Variants in PPOX observed in about 807,000 individuals in gnomAD.
PPOX encodes protoporphyrinogen oxidase.
PPOX carries 23 observed loss-of-function variants against 54.1 expected under a neutral mutation model. The ratio of observed to expected loss-of-function variants is 0.43; its 90% CI spans 0.31 to 0.60. The LOEUF (loss-of-function observed/expected upper bound fraction) is 0.60, where lower values mean the gene tolerates loss of function less well. Ranked by LOEUF, PPOX falls within the 20% of genes least tolerant of loss-of-function variation. The probability of loss-of-function intolerance (pLI) is 0.13; values close to 1 mark genes in which losing one functional copy is unlikely to be tolerated. For synonymous variants in PPOX, 224 were observed against 236.1 expected, an observed-to-expected ratio of 0.95 and a Z score of 0.47; for missense variants, 512 against 601.1, an observed-to-expected ratio of 0.85 and a Z score of 1.55.
intron 6 of PPOX, among the ~76,000 whole-genome samples, 174 bp from the exon 7 acceptor site, chr1:161,168,819 C>T (rs943550860): frequency 6.6e-6 from 1 of 152,212 alleles, no homozygotes; most frequent in African/African-American, 2.4e-5. Flanking sequence ...TGTGCCACCA[C>T]TCCCAGCTAA....
upstream of PPOX, chr1:161,166,390 A>G (rs1235174749): frequency 7.5e-6 from 8 of 1,061,460 alleles, no homozygotes; most frequent in Non-Finnish European, 9.1e-6. Context: ...CAGATGTAGG[A>G]GAGGTAGGGT....
chr1:161,170,321 T>TGGCCC, intron 9 of PPOX, 88 bp from the exon 10 acceptor site: 1 of 367,766 alleles, frequency 2.7e-6, no homozygotes, highest in Non-Finnish European at 5.3e-6. Context: ...TGAGACTCTG[T>TGGCCC]CCCCCCCACC....
chr1:161,166,243 G>C, upstream of PPOX: 3 of 965,524 alleles, frequency 3.1e-6, no homozygotes, highest in Non-Finnish European at 3.7e-6. Context: ...GGAGGGCAGT[G>C]ACGGGTACGG....
Position 161,166,492 on chromosome 1 carries a change from C to A in PPOX, c.-189C>A. 2.3e-6 allele frequency: 3 copies of A among 1,291,806 alleles called. No individual in the cohort carries two copies. Among genetic ancestry groups the A allele is most frequent in the Non-Finnish European group, 3.0e-6 (3 of 1,009,638 alleles). 80.0% of individuals were successfully genotyped at this position (1,291,806 alleles called of 1,614,324 possible). The stretch of plus-strand genomic sequence containing the variant: ...TAGCGGATTTGAAGCACTTGTTGGC[C>A]TACAGAGGTGTGGCAAGCAGAGCAC... On this transcript the variant is annotated 5_prime_UTR_variant, in exon 1 of 13. Coordinates refer to ENST00000367999, the MANE Select transcript of PPOX (RefSeq NM_001122764.3).
chr1:161,171,360 A>C, downstream of PPOX: 12 of 1,059,584 alleles, frequency 1.1e-5, no homozygotes, highest in Non-Finnish European at 1.6e-5. Context: ...CAGCCCCCTG[A>C]GCCAGGACCA....
chr1:161,166,794 C>G, intron 1 of PPOX, 46 bp from the exon 2 acceptor site: 4 of 1,605,448 alleles, frequency 2.5e-6, no homozygotes, highest in Non-Finnish European at 3.4e-6. Flanking sequence ...TTCTGGAGCG[C>G]AGGTTGTCCC....
Position 161,170,503 on chromosome 1 carries a change from CT to C in PPOX, c.1083del (p.Gly362AlafsTer4). 1 of 1,614,206 alleles carries C rather than the reference CT, an allele frequency of 6.2e-7. No homozygotes were observed. Among genetic ancestry groups the C allele is most frequent in the Non-Finnish European group, 8.5e-7 (1 of 1,180,002 alleles). ...VAFPEQDGSPPGLRVTVMLGG... is the reference protein window; with the variant it reads ...VAFPEQDGSPXGLRVTVMLGG... ...TTCCCTGAGCAGGACGGGAGCCCCC[CT>C]GGCCTCAGAGTGACTGTGAGGAGGA... is the stretch of plus-strand genomic sequence containing the variant. On this transcript the variant is annotated frameshift_variant, in exon 10 of 13. Coordinates refer to ENST00000367999, the MANE Select transcript of PPOX (RefSeq NM_001122764.3). LOFTEE classifies it high-confidence loss of function.
chr1:161,168,597 A>C, intron 6 of PPOX, 21 bp downstream of exon 6: 1 of 1,612,814 alleles, frequency 6.2e-7, no homozygotes, highest in Non-Finnish European at 8.5e-7. Context: ...ATTGATTCAG[A>C]GGGTGAAAAT....
rs369704334 is a variant in PPOX, at chr1:161,167,103, G to A, written c.91G>A (p.Val31Ile). 2 of 1,614,216 alleles carry A rather than the reference G, an allele frequency of 1.2e-6. No homozygotes were observed. Among genetic ancestry groups the A allele is most frequent in the Admixed American group, 1.7e-5 (1 of 60,030 alleles). ...TGTCTCTCCCTCTTGTCGCCAGGTG[G>A]TCCTAGTGGAGAGCAGTGAGCGTCT... ...LSRAPCPPKV[V>I]LVESSERLGG... The change falls in exon 3 of 13, where the codon GTC becomes ATC. Residue 31 changes from valine to isoleucine, a missense_variant. Coordinates refer to ENST00000367999, the MANE Select transcript of PPOX (RefSeq NM_001122764.3).
intron 8 of PPOX, 83 bp from the exon 9 acceptor site, chr1:161,169,823 A>G: frequency 6.2e-7 from 1 of 1,614,016 alleles, no homozygotes; most frequent in Non-Finnish European, 8.5e-7. Context: ...TGAACTGGTC[A>G]TCTCTATGGG....
rs1368067383 is a variant in PPOX, at chr1:161,176,858, C to T, written c.382C>T (p.Gln128Ter). Residue 128 changes from glutamine (Q) to a stop codon, truncating the protein, a stop_gained, in exon 5 of 5, where the codon CAG becomes TAG. Coordinates refer to the PPOX transcript ENST00000497522. LOFTEE classifies it low-confidence loss of function (END_TRUNC). ...CATTGTTTTCCCCCAGACCAAGAAC[C>T]AGTTGAAGTGGCGACAGAGTCATGA... 1.2e-5 allele frequency: 18 copies of T among 1,535,672 alleles called. No individual in the cohort carries two copies. The highest frequency in any genetic ancestry group is 3.3e-4 in the Middle Eastern group (2 of 6,012).
At chr1:161,175,452 G>A (rs1420607963), downstream of PPOX, among the ~76,000 whole-genome samples, 1 of 152,070 alleles carries the variant, frequency 6.6e-6, no homozygotes, top group Non-Finnish European at 1.5e-5. Context: ...TTTTAGGGTT[G>A]CCTAACTTTC....
chr1:161,172,710 C>A (rs1661896589), downstream of PPOX, among the ~76,000 whole-genome samples: 1 of 152,112 alleles, frequency 6.6e-6, no homozygotes, highest in South Asian at 2.1e-4. Context: ...GCTACCCCAG[C>A]TTCTCTCCCA....
At chr1:161,175,313 G>A (rs1028352652), downstream of PPOX, 1 of 1,218,308 alleles carries the variant, frequency 8.2e-7, no homozygotes, top group Non-Finnish European at 1.2e-6. Flanking sequence ...CTCTGACACT[G>A]GCAGTCTGGT....
At chr1:161,169,559 C>T (rs1270429929) in intron 7 of PPOX, 101 bp from the exon 8 acceptor site, 6 of 1,242,032 alleles carry the variant, frequency 4.8e-6, no homozygotes, top group Non-Finnish European at 7.1e-6. Flanking sequence ...GTCTCCCCGG[C>T]CACATGGGTG....
rs984474889 is a variant in PPOX at position 161,166,896 on chromosome 1, G to A, written c.49G>A (p.Ala17Thr). 2 of 1,613,568 alleles carry A rather than the reference G, an allele frequency of 1.2e-6. No homozygotes were observed. The highest frequency in any genetic ancestry group is 1.3e-5 in the African/African-American group (1 of 74,950). ...VLGGGISGLAASYHLSRAPCP... is the reference protein window; with the variant it reads ...VLGGGISGLATSYHLSRAPCP... ...GGGCGGAGGCATCAGCGGCTTGGCCGCCAGTTACCACCTGAGCCGGGCCCC... is the reference window on the plus strand; with the variant it reads ...GGGCGGAGGCATCAGCGGCTTGGCCACCAGTTACCACCTGAGCCGGGCCCC... Residue 17 changes from alanine to threonine, a missense_variant, in exon 2 of 13, where the codon GCC becomes ACC. By Grantham distance (58) the Ala-to-Thr change is moderately conservative. Coordinates refer to ENST00000367999, the MANE Select transcript of PPOX (RefSeq NM_001122764.3).
At chr1:161,169,464 G>C in intron 7 of PPOX, 196 bp from the exon 8 acceptor site, 1 of 725,922 alleles carries the variant, frequency 1.4e-6, no homozygotes, top group East Asian at 2.7e-5. Flanking sequence ...TGGCCTGTCT[G>C]GTCCACTTCC....
In PPOX at chr1:161,168,018, C is replaced by G. The variant is rs202029665; in HGVS notation, c.362C>G (p.Pro121Arg). Reference protein sequence around the residue: ...GLRGLLRPSPPFSKPLFWAGL... With the variant: ...GLRGLLRPSPRFSKPLFWAGL... ...AGGGGGCTACTCCGCCCTTCACCCC[C>G]CTTCTCCAAACCTCTGTTTTGGGCT... Residue 121 changes from proline to arginine, a missense_variant, in exon 5 of 13, where the codon CCC becomes CGC. Coordinates refer to ENST00000367999, the MANE Select transcript of PPOX (RefSeq NM_001122764.3). 11 of 1,614,214 alleles carry G rather than the reference C, an allele frequency of 6.8e-6. No individual in the cohort carries two copies. In the Admixed American group the frequency reaches 1.3e-4, roughly 20 times the overall value.
At chr1:161,177,085 G>A (rs1255062562), downstream of PPOX, 4 of 1,533,494 alleles carry the variant, frequency 2.6e-6, no homozygotes, top group African/African-American at 2.7e-5. Context: ...TCTTCTAGCG[G>A]GGGTGGGGAG....
Sources: allele counts gnomAD v4.1 joint callset (sites outside exome capture counted in the v4.1 genomes callset), GRCh38; gene constraint gnomAD v4.1.1; transcripts MANE v1.5; gene names NCBI Gene and HGNC (gene_info 2026-07-23, HGNC 2026-07-21).